CHST15: variants seen among roughly 807,000 people sequenced by gnomAD.
CHST15 encodes the protein carbohydrate sulfotransferase 15.
CHST15 carries 30 observed loss-of-function variants against 53.6 expected under a neutral mutation model. The ratio of observed to expected loss-of-function variants is 0.56; its 90% confidence interval spans 0.42 to 0.76. CHST15 has a LOEUF of 0.76. Among genes scored for constraint, CHST15 ranks in the 30% least tolerant of loss-of-function variants. CHST15 has a pLI of 0.00. For missense variants in CHST15, 627 were observed against 740.5 expected (o/e 0.85, Z 1.78); for synonymous variants, 296 against 289.8 (o/e 1.02, Z -0.22).
intron 5 of CHST15, among the ~76,000 whole-genome samples, chr10:124,030,838 T>C (rs75674928): frequency 0.031 from 4,677 of 152,334 alleles, 213 homozygotes; most frequent in East Asian, 0.21. Flanking sequence ...CAAGTCAAAG[T>C]TCCGCTGCGG....
chr10:124,087,589 C>T (rs972469340), intron 1 of CHST15, among the ~76,000 whole-genome samples: 3 of 152,286 alleles, frequency 2.0e-5, no homozygotes, highest in East Asian at 1.9e-4. Context: ...TAATGATACC[C>T]TCTGCTTTTG....
chr10:124,077,488 C>T (rs1039472859), intron 1 of CHST15, among the ~76,000 whole-genome samples: 1 of 151,962 alleles, frequency 6.6e-6, no homozygotes, highest in Non-Finnish European at 1.5e-5. Context: ...GTCAAATTTA[C>T]GAGCCGAGGC....
rs192131045 is a variant in CHST15 at position 124,051,068 on chromosome 10, C to T, written c.-512-4344G>A. Among the ~76,000 whole-genome samples, 23 of 152,160 alleles carry T rather than the reference C, an allele frequency of 1.5e-4. No individual in the cohort carries two copies. The East Asian group carries it at 2.3e-3, about 15-fold the overall frequency. On this transcript the variant is annotated intron_variant, in intron 1 of 7. Transcript: ENST00000435907. Reference sequence around the variant, plus strand: ...AAGCGATTCTCCTGTCTCAGCCTCCCGAGTACTGAGATTACAGGCATGCAT... The same window carrying T: ...AAGCGATTCTCCTGTCTCAGCCTCCTGAGTACTGAGATTACAGGCATGCAT...
At chr10:124,030,883 T>C (rs28498020) in intron 5 of CHST15, among the ~76,000 whole-genome samples, 11,606 of 152,346 alleles carry the variant, frequency 0.076, 635 homozygotes, top group African/African-American at 0.15. Flanking sequence ...CTCCCTTCTG[T>C]GTGTGCTGGC....
chr10:124,072,298 A>C (rs1948941523), intron 1 of CHST15, among the ~76,000 whole-genome samples: 1 of 152,166 alleles, frequency 6.6e-6, no homozygotes, highest in Admixed American at 6.5e-5. Flanking sequence ...GACAGTGCAG[A>C]GTCCTCTCTT....
At chr10:124,034,815 G>A (rs1324357188) in intron 5 of CHST15, among the ~76,000 whole-genome samples, 1 of 143,262 alleles carries the variant, frequency 7.0e-6, no homozygotes, top group Non-Finnish European at 1.5e-5. Context: ...CGGGGACCCC[G>A]GCTCCGCCCC....
At chr10:124,091,763 C>T (rs935400663) in intron 1 of CHST15, among the ~76,000 whole-genome samples, 1 of 152,088 alleles carries the variant, frequency 6.6e-6, no homozygotes, top group East Asian at 1.9e-4. Context: ...GAAGGGCCCC[C>T]GCCCCCAGGA....
intron 5 of CHST15, among the ~76,000 whole-genome samples, chr10:124,030,223 T>C (rs894236595): frequency 6.6e-6 from 1 of 151,898 alleles, no homozygotes. Flanking sequence ...CGCTGCCAGC[T>C]CTCCCTCCCC....
At position 124,009,370 on chromosome 10, in the gene CHST15, T is replaced by A. The variant is rs1310183434; in HGVS notation, c.*779A>T. On this transcript the variant is annotated 3_prime_UTR_variant, in exon 8 of 8. Transcript: ENST00000435907. ...GTTAAATGCAGAAAGTGGTTTTGTT[T>A]TAAACGCATTCATTTTCTATGTTAA... 2.2e-5 allele frequency: 22 copies of A among 1,014,782 alleles called. No homozygotes were observed. In the East Asian group the frequency reaches 2.1e-3, roughly 96 times the overall value. 62.9% of individuals were successfully genotyped at this position (1,014,782 alleles called of 1,614,324 possible). A position where few individuals can be genotyped will look rare whatever the true frequency, so the allele number is the denominator to read the frequency against.
chr10:124,084,492 C>T (rs1321959282), intron 1 of CHST15, among the ~76,000 whole-genome samples: 2 of 76,396 alleles, frequency 2.6e-5, no homozygotes, highest in African/African-American at 6.3e-5. Flanking sequence ...TGCCCAGCTC[C>T]TGCTGCCCAT....
chr10:124,020,829 T>C (rs1319593751), intron 6 of CHST15: 1 of 1,201,694 alleles, frequency 8.3e-7, no homozygotes, highest in Non-Finnish European at 1.0e-6. Context: ...TGTTTTTCAA[T>C]TGAGACTCTG....
intron 5 of CHST15, among the ~76,000 whole-genome samples, chr10:124,022,414 T>C (rs117793759): frequency 0.012 from 1,781 of 152,326 alleles, 29 homozygotes; most frequent in East Asian, 0.048. Context: ...CACTCTCCGT[T>C]GCCTGTTTTT....
At chr10:124,051,330 A>G (rs1221911022) in intron 1 of CHST15, among the ~76,000 whole-genome samples, 1 of 152,190 alleles carries the variant, frequency 6.6e-6, no homozygotes, top group Non-Finnish European at 1.5e-5. Context: ...AAAGAACATA[A>G]CTCAGGGAAG....
rs1020582669 is a variant in CHST15 at position 124,008,744 on chromosome 10, T to C, written c.*1405A>G. The C allele has an allele frequency of 2.6e-6, 3 of 1,156,868 alleles. No homozygotes were observed. Among genetic ancestry groups the C allele is most frequent in the Non-Finnish European group, 3.3e-6 (3 of 920,780 alleles). 71.7% of individuals were successfully genotyped at this position (1,156,868 alleles called of 1,614,324 possible). On this transcript the variant is annotated 3_prime_UTR_variant, in exon 8 of 8. Coordinates refer to ENST00000435907, the MANE Select transcript of CHST15 (RefSeq NM_001270764.2). ...CTTTCTGGCTTTGGTGGGCGAGACCTTGGCCTGAGAACTTTGGTTCACAGG... is the reference window on the plus strand; with the variant it reads ...CTTTCTGGCTTTGGTGGGCGAGACCCTGGCCTGAGAACTTTGGTTCACAGG...
intron 1 of CHST15, among the ~76,000 whole-genome samples, chr10:124,062,645 C>T (rs1012396674): frequency 2.0e-5 from 3 of 152,126 alleles, no homozygotes; most frequent in Admixed American, 1.3e-4. Context: ...CTTTTTCTTT[C>T]CTCCCTCCCG....
intron 3 of CHST15, among the ~76,000 whole-genome samples, chr10:124,043,991 A>C (rs1274444341): frequency 1.3e-5 from 2 of 150,264 alleles, no homozygotes; most frequent in Admixed American, 6.6e-5. Flanking sequence ...AGCACAGAGC[A>C]GAGGAACAGC....
intron 1 of CHST15, among the ~76,000 whole-genome samples, chr10:124,087,985 T>C (rs1166548879): frequency 6.6e-6 from 1 of 152,246 alleles, no homozygotes; most frequent in Non-Finnish European, 1.5e-5. Flanking sequence ...TAAGGAAACC[T>C]AGCTGGAGCC....
At chr10:124,025,088 G>A (rs1263377431) in intron 5 of CHST15, among the ~76,000 whole-genome samples, 1 of 152,100 alleles carries the variant, frequency 6.6e-6, no homozygotes, top group Non-Finnish European at 1.5e-5. Context: ...TTTTCTTTGT[G>A]GTAATAACAT....
chr10:124,085,920 G>A (rs1365047398), intron 1 of CHST15, among the ~76,000 whole-genome samples: 1 of 152,202 alleles, frequency 6.6e-6, no homozygotes, highest in African/African-American at 2.4e-5. Flanking sequence ...GGGGACCCAA[G>A]TGTAGCCAGG....
Sources: allele counts gnomAD v4.1 joint callset (sites outside exome capture counted in the v4.1 genomes callset), GRCh38; gene constraint gnomAD v4.1.1; transcripts MANE v1.5; gene names NCBI Gene and HGNC (gene_info 2026-07-23, HGNC 2026-07-21).